Variants in RAB7A observed in about 807,000 individuals in gnomAD.
RAB7A encodes RAB7A, member RAS oncogene family.
RAB7A carries 2 observed loss-of-function variants against 24.5 expected under a neutral mutation model. The observed-to-expected ratio is 0.08, with a 90% CI of 0.03 to 0.26. The LOEUF (loss-of-function observed/expected upper bound fraction) is 0.26. RAB7A is among the 10% of genes least tolerant of loss of function. The pLI is 1.00. For synonymous variants in RAB7A, 100 were observed against 95.9 expected (o/e 1.04, Z -0.25); for missense variants, 118 against 255.7 (o/e 0.46, Z 3.67).
intron 2 of RAB7A, among the ~76,000 whole-genome samples, chr3:128,796,275 C>T (rs1214032726): frequency 6.6e-6 from 1 of 151,948 alleles, no homozygotes; most frequent in Admixed American, 6.6e-5. Flanking sequence ...ATTGCTTGAG[C>T]CCAGGAGTTG....
At chr3:128,807,356 T>G (rs948390673) in intron 4 of RAB7A, among the ~76,000 whole-genome samples, 187 bp from the exon 5 acceptor site, 1 of 152,176 alleles carries the variant, frequency 6.6e-6, no homozygotes, top group African/African-American at 2.4e-5. Flanking sequence ...ATCCTAGCTA[T>G]CCTGAGCATA....
intron 5 of RAB7A, among the ~76,000 whole-genome samples, chr3:128,808,252 C>T (rs1407404190): frequency 3.3e-5 from 5 of 151,902 alleles, no homozygotes; most frequent in Admixed American, 1.3e-4. Flanking sequence ...CCCAGCTACT[C>T]GGGAGGCTGA....
intron 1 of RAB7A, among the ~76,000 whole-genome samples, chr3:128,765,899 T>C (rs2070826990): frequency 6.6e-6 from 1 of 152,042 alleles, no homozygotes; most frequent in South Asian, 2.1e-4. Flanking sequence ...GTAGCTGGGA[T>C]TACAGGTGCA....
intron 1 of RAB7A, among the ~76,000 whole-genome samples, chr3:128,727,637 G>A (rs1394550322): frequency 6.6e-6 from 1 of 152,224 alleles, no homozygotes; most frequent in Non-Finnish European, 1.5e-5. Flanking sequence ...TGGCAAACCT[G>A]CCTAGTGAAC....
At chr3:128,799,168 G>A (rs1933641249) in intron 3 of RAB7A, 2 of 152,532 alleles carry the variant, frequency 1.3e-5, no homozygotes, top group Admixed American at 1.3e-4. Context: ...AGAACCTGGT[G>A]TTTGCCCTTG....
At chr3:128,790,046 G>T (rs553270104) in intron 1 of RAB7A, among the ~76,000 whole-genome samples, 1 of 152,272 alleles carries the variant, frequency 6.6e-6, no homozygotes, top group East Asian at 1.9e-4. Context: ...ACCTACCTCA[G>T]CCTCCCAAAA....
intron 1 of RAB7A, among the ~76,000 whole-genome samples, chr3:128,734,891 C>T (rs973933574): frequency 9.2e-5 from 14 of 152,150 alleles, no homozygotes; most frequent in Non-Finnish European, 1.5e-4. Flanking sequence ...CACTTGAGGA[C>T]AAGGATGAAT....
chr3:128,741,255 C>A (rs2070550690), intron 1 of RAB7A, among the ~76,000 whole-genome samples: 1 of 151,964 alleles, frequency 6.6e-6, no homozygotes, highest in African/African-American at 2.4e-5. Context: ...ATCTCTTGGT[C>A]TTGTTTGGCT....
chr3:128,793,397 C>G (rs1175480692), intron 1 of RAB7A, among the ~76,000 whole-genome samples: 1 of 151,902 alleles, frequency 6.6e-6, no homozygotes, highest in Non-Finnish European at 1.5e-5. Flanking sequence ...TTGTGATCCA[C>G]CCACCTCGGG....
In RAB7A at chr3:128,814,128, A is replaced by T. The variant is rs1267907516; in HGVS notation, c.*706A>T. 1 of 155,768 alleles carries T rather than the reference A, an allele frequency of 6.4e-6. No individual in the cohort carries two copies. The highest frequency in any genetic ancestry group is 1.9e-4 in the East Asian group (1 of 5,266). 9.6% of individuals were successfully genotyped at this position (155,768 alleles called of 1,614,324 possible). ...TTGGATTATGTGTTTAAGTCCTGTA[A>T]TGCAGGCCTGTAAGGTGGAGGGTTG... On this transcript the variant is annotated 3_prime_UTR_variant, in exon 6 of 6. Transcript: ENST00000265062.
chr3:128,738,230 G>T (rs1282468470), intron 1 of RAB7A, among the ~76,000 whole-genome samples: 1 of 151,790 alleles, frequency 6.6e-6, no homozygotes, highest in African/African-American at 2.4e-5. Context: ...CAGGGTCTTG[G>T]CCATATTGCC....
intron 1 of RAB7A, among the ~76,000 whole-genome samples, chr3:128,767,874 TA>T (rs1436102002): frequency 6.6e-6 from 1 of 152,218 alleles, no homozygotes; most frequent in Non-Finnish European, 1.5e-5. Flanking sequence ...TTTATTTATT[TA>T]TTTTTTAAAG....
chr3:128,739,484 G>C (rs1052744106), intron 1 of RAB7A, among the ~76,000 whole-genome samples: 2 of 150,672 alleles, frequency 1.3e-5, no homozygotes, highest in African/African-American at 4.9e-5. Context: ...CTGCACTCCA[G>C]CCTTGCCAAC....
intron 1 of RAB7A, among the ~76,000 whole-genome samples, chr3:128,773,990 C>T (rs1933018411): frequency 6.6e-6 from 1 of 150,546 alleles, no homozygotes; most frequent in African/African-American, 2.5e-5. Flanking sequence ...GACCTTTGTT[C>T]ACTTGTTTAT....
chr3:128,749,732 G>A (rs575373599), intron 1 of RAB7A, among the ~76,000 whole-genome samples: 140 of 152,256 alleles, frequency 9.2e-4, no homozygotes, highest in African/African-American at 2.7e-3. Context: ...TTTGCCTGCC[G>A]CCATCCATGT....
intron 1 of RAB7A, among the ~76,000 whole-genome samples, chr3:128,747,569 A>G (rs553973494): frequency 1.3e-5 from 2 of 151,512 alleles, no homozygotes; most frequent in African/African-American, 4.9e-5. Context: ...CTGGGCAAGA[A>G]GAGCAAAACT....
chr3:128,804,530 A>C (rs1933762706), intron 3 of RAB7A, among the ~76,000 whole-genome samples: 1 of 152,244 alleles, frequency 6.6e-6, no homozygotes, highest in East Asian at 1.9e-4. Context: ...AAAATTTAAA[A>C]ATCACAGTCA....
chr3:128,761,498 T>C (rs1053935196), intron 1 of RAB7A, among the ~76,000 whole-genome samples: 9 of 152,198 alleles, frequency 5.9e-5, no homozygotes, highest in African/African-American at 1.9e-4. Context: ...ATCTTGGTCA[T>C]CTTTGCATCT....
At chr3:128,737,045 T>A (rs2070496181) in intron 1 of RAB7A, among the ~76,000 whole-genome samples, 1 of 47,774 alleles carries the variant, frequency 2.1e-5, no homozygotes, top group Non-Finnish European at 3.4e-5. Context: ...TTTATTTATT[T>A]ATTATTTTTT....
Sources: gnomAD v4.1 joint callset for allele counts (sites outside exome capture counted in the v4.1 genomes callset) on GRCh38, gnomAD v4.1.1 for gene constraint, MANE v1.5 for transcripts, NCBI Gene and HGNC (gene_info 2026-07-23, HGNC 2026-07-21) for gene names.